EPHA7: variants seen among roughly 807,000 people sequenced by gnomAD.
The protein encoded by EPHA7 is EPH receptor A7, also known as ephrin type-A receptor 7.
Under a neutral mutation model 112.6 loss-of-function variants are expected in EPHA7, and 25 were observed. That is an observed-to-expected ratio of 0.22 (90% CI 0.16 to 0.31). EPHA7 has a LOEUF of 0.31. EPHA7 is among the 10% of genes least tolerant of loss of function. The probability of loss-of-function intolerance (pLI) is 1.00; values close to 1 mark genes in which losing one functional copy is unlikely to be tolerated. For synonymous variants in EPHA7, 437 were observed against 406.5 expected, an observed-to-expected ratio of 1.07 and a Z score of -0.90; for missense variants, 962 against 1,212.6, an observed-to-expected ratio of 0.79 and a Z score of 3.07.
At position 93,272,015 on chromosome 6, in the gene EPHA7, A is replaced by G. The variant is rs2127881641; in HGVS notation, c.1449+283T>C. Among the ~76,000 whole-genome samples, 2 of 152,032 alleles carry G rather than the reference A, an allele frequency of 1.3e-5. 1 individual carries two copies. The highest frequency in any genetic ancestry group is 4.1e-4 in the South Asian group (2 of 4,832). On this transcript the variant is annotated intron_variant, in intron 6 of 16. Coordinates refer to ENST00000369303, the MANE Select transcript of EPHA7 (RefSeq NM_004440.4). ...GGTTTCTGTGGTACTAAAATATCCTACATCTAATTACTACAATATCAGAAA... is the reference window on the plus strand; with the variant it reads ...GGTTTCTGTGGTACTAAAATATCCTGCATCTAATTACTACAATATCAGAAA...
At chr6:93,346,833 T>C (rs1034851255) in intron 5 of EPHA7, among the ~76,000 whole-genome samples, 13 of 151,770 alleles carry the variant, frequency 8.6e-5, no homozygotes, top group Middle Eastern at 3.2e-3. Flanking sequence ...CAAATATTAT[T>C]TTAGTAGATG....
chr6:93,254,681 C>A lies in EPHA7; in HGVS notation c.2498G>T (p.Gly833Val), dbSNP rs568334270. Reference sequence around the variant, plus strand: ...TGACATGTCCCAATAAGGTCTTTCTCCATAAGACATAACTTCCCACATGAC... The same window carrying A: ...TGACATGTCCCAATAAGGTCTTTCTACATAAGACATAACTTCCCACATGAC... ...GIVMWEVMSY[G>V]ERPYWDMSNQ... The change falls in exon 14 of 17, where the codon GGA becomes GTA. Residue 833 changes from glycine to valine, a missense_variant. Physicochemically the swap from Gly to Val is moderately radical, Grantham distance 109. Around this residue, in one of 3 missense-constraint regions of EPHA7, gnomAD observed 746 missense variants for 889.2 expected, o/e 0.84. Transcript: ENST00000369303. 6.2e-7 allele frequency: 1 copy of A among 1,613,274 alleles called. No individual in the cohort carries two copies. Among genetic ancestry groups the A allele is most frequent in the South Asian group, 1.1e-5 (1 of 91,006 alleles).
intron 5 of EPHA7, among the ~76,000 whole-genome samples, chr6:93,314,263 TA>T (rs1773684044): frequency 6.6e-6 from 1 of 152,162 alleles, no homozygotes; most frequent in Non-Finnish European, 1.5e-5. Flanking sequence ...AAAAACCCTA[TA>T]TAATACACCC....
At chr6:93,352,813 T>A (rs573442015) in intron 5 of EPHA7, among the ~76,000 whole-genome samples, 1 of 152,202 alleles carries the variant, frequency 6.6e-6, no homozygotes, top group South Asian at 2.1e-4. Flanking sequence ...GTGGGCATTA[T>A]CCTTAGCAAA....
intron 5 of EPHA7, among the ~76,000 whole-genome samples, chr6:93,343,405 T>C (rs1041471391): frequency 1.3e-5 from 2 of 151,724 alleles, no homozygotes; most frequent in African/African-American, 4.8e-5. Flanking sequence ...AAACACATGA[T>C]GTAGATTTTA....
At chr6:93,416,704 G>A (rs1779246544) in intron 1 of EPHA7, among the ~76,000 whole-genome samples, 1 of 152,172 alleles carries the variant, frequency 6.6e-6, no homozygotes, top group South Asian at 2.1e-4. Flanking sequence ...CCGCGGAGGC[G>A]CAGTCCCTCG....
chr6:93,299,048 C>G (rs1002223173), intron 5 of EPHA7, among the ~76,000 whole-genome samples: 1 of 152,096 alleles, frequency 6.6e-6, no homozygotes. Flanking sequence ...AAAGCTCAGC[C>G]GGGCGCGGTG....
At chr6:93,279,572 TCCTTTA>T (rs1771632569) in intron 5 of EPHA7, among the ~76,000 whole-genome samples, 1 of 152,136 alleles carries the variant, frequency 6.6e-6, no homozygotes, top group Non-Finnish European at 1.5e-5. Flanking sequence ...TTGTTAAAAC[TCCTTTA>T]GAGGTTTTGC....
intron 14 of EPHA7, among the ~76,000 whole-genome samples, chr6:93,251,391 T>A (rs1226126592): frequency 6.6e-6 from 1 of 151,820 alleles, no homozygotes; most frequent in Admixed American, 6.6e-5. Flanking sequence ...AAAGCTTAAA[T>A]TTTTTAACAT....
chr6:93,259,924 G>T (rs922724216), intron 9 of EPHA7, among the ~76,000 whole-genome samples: 1 of 151,904 alleles, frequency 6.6e-6, no homozygotes, highest in African/African-American at 2.4e-5. Context: ...CTACTACACT[G>T]ACAGCAATAT....
At chr6:93,297,209 GA>G (rs1350331487) in intron 5 of EPHA7, among the ~76,000 whole-genome samples, 4 of 151,998 alleles carry the variant, frequency 2.6e-5, no homozygotes, top group African/African-American at 9.7e-5. Context: ...TGTCTTCACA[GA>G]AGGCATTTTC....
chr6:93,323,833 C>T (rs982627856), intron 5 of EPHA7, among the ~76,000 whole-genome samples: 7 of 151,382 alleles, frequency 4.6e-5, no homozygotes, highest in African/African-American at 1.5e-4. Flanking sequence ...TCTCCATCTG[C>T]TCAACTAAAC....
At chr6:93,263,579 G>T (rs575193792) in intron 9 of EPHA7, among the ~76,000 whole-genome samples, 1 of 151,492 alleles carries the variant, frequency 6.6e-6, no homozygotes, top group East Asian at 1.9e-4. Flanking sequence ...TATTAGGATG[G>T]TAAGAAACAC....
chr6:93,323,642 T>C (rs1774180996), intron 5 of EPHA7, among the ~76,000 whole-genome samples: 1 of 151,482 alleles, frequency 6.6e-6, no homozygotes, highest in Non-Finnish European at 1.5e-5. Context: ...AAATTAAAAA[T>C]TCCATCTGGA....
chr6:93,274,940 A>G lies in EPHA7; in HGVS notation c.1325-2518T>C, dbSNP rs144279440. 1.1e-4 allele frequency among the ~76,000 whole-genome samples: 17 copies of G among 152,082 alleles called. No individual in the cohort carries two copies. In the East Asian group the frequency reaches 2.3e-3, roughly 21 times the overall value. ...AGATAAAGTTATATGTTAAAGTAAAATTAAAGTGGCATAAGGTATGTTAAT... is the reference window on the plus strand; with the variant it reads ...AGATAAAGTTATATGTTAAAGTAAAGTTAAAGTGGCATAAGGTATGTTAAT... On this transcript the variant is annotated intron_variant, in intron 5 of 16. Transcript: ENST00000369303.
At chr6:93,408,755 A>G (rs1247534024) in intron 3 of EPHA7, among the ~76,000 whole-genome samples, 1 of 152,138 alleles carries the variant, frequency 6.6e-6, no homozygotes, top group Non-Finnish European at 1.5e-5. Flanking sequence ...AATAGGACAG[A>G]AAAAGGTATT....
chr6:93,377,495 C>T (rs1401024808), intron 3 of EPHA7, among the ~76,000 whole-genome samples: 1 of 150,802 alleles, frequency 6.6e-6, no homozygotes, highest in Non-Finnish European at 1.5e-5. Flanking sequence ...AGATGATTTG[C>T]TTGGAAATTA....
chr6:93,331,302 C>A (rs1051022422), intron 5 of EPHA7, among the ~76,000 whole-genome samples: 5 of 151,294 alleles, frequency 3.3e-5, no homozygotes, highest in Non-Finnish European at 7.4e-5. Flanking sequence ...ATAATAAAAT[C>A]GTGTTTTTTA....
chr6:93,358,209 T>C, intron 4 of EPHA7, 47 bp downstream of exon 4: 3 of 1,457,064 alleles, frequency 2.1e-6, no homozygotes, highest in Admixed American at 4.3e-5. Flanking sequence ...ACAGTACAAA[T>C]GAGTGGAAGG....
Sources: allele counts gnomAD v4.1 joint callset (sites outside exome capture counted in the v4.1 genomes callset), GRCh38; gene constraint gnomAD v4.1.1; regional missense constraint gnomAD v4.1.1; transcripts MANE v1.5; gene names NCBI Gene and HGNC (gene_info 2026-07-23, HGNC 2026-07-21).